POLQ: variants seen among roughly 807,000 people sequenced by gnomAD.
POLQ encodes DNA polymerase theta.
A neutral mutation model predicts 259.2 loss-of-function variants in POLQ; 233 were observed. The observed-to-expected ratio is 0.90, with a 90% CI of 0.81 to 1.00. The LOEUF (loss-of-function observed/expected upper bound fraction) is 1.00, where lower values mean the gene tolerates loss of function less well. POLQ is among the 50% of genes least tolerant of loss of function. POLQ has a pLI of 0.00. For synonymous variants in POLQ, 1,025 were observed against 1,048.8 expected, an observed-to-expected ratio of 0.98 and a Z score of 0.44; for missense variants, 2,871 against 3,051.6, an observed-to-expected ratio of 0.94 and a Z score of 1.39.
intron 9 of POLQ, among the ~76,000 whole-genome samples, chr3:121,519,445 G>C (rs1444945742): frequency 6.7e-6 from 1 of 148,188 alleles, no homozygotes; most frequent in Non-Finnish European, 1.5e-5. Context: ...GGAGGCCGAG[G>C]CAGGCGGATC....
chr3:121,526,370 G>C (rs901525656), intron 7 of POLQ, among the ~76,000 whole-genome samples: 1 of 152,148 alleles, frequency 6.6e-6, no homozygotes, highest in African/African-American at 2.4e-5. Flanking sequence ...AGTATTAGCT[G>C]TTTTATAGAC....
intron 5 of POLQ, among the ~76,000 whole-genome samples, chr3:121,534,487 C>A (rs990840662): frequency 3.9e-5 from 6 of 152,096 alleles, no homozygotes; most frequent in African/African-American, 9.7e-5. Flanking sequence ...CCACGCCCAG[C>A]CAAATTTTGT....
intron 26 of POLQ, among the ~76,000 whole-genome samples, chr3:121,445,369 T>G (rs1049358522): frequency 6.6e-6 from 1 of 152,190 alleles, no homozygotes; most frequent in Non-Finnish European, 1.5e-5. Flanking sequence ...AGGTTGTATG[T>G]GTCTAGAAAT....
At chr3:121,468,912 T>C (rs1452096247) in intron 22 of POLQ, among the ~76,000 whole-genome samples, 2 of 152,210 alleles carry the variant, frequency 1.3e-5, no homozygotes, top group African/African-American at 2.4e-5. Context: ...AAGTACTGAA[T>C]CAGGTGAGAC....
chr3:121,493,427 G>T, intron 15 of POLQ, 51 bp downstream of exon 15: 1 of 1,334,880 alleles, frequency 7.5e-7, no homozygotes, highest in South Asian at 1.4e-5. Flanking sequence ...TTTTAAAATT[G>T]ACATTTTTTT....
rs1042142595 is a variant in POLQ, at chr3:121,490,349, G to A, written c.2582C>T (p.Thr861Ile). The A allele has an allele frequency of 5.0e-6, 8 of 1,614,086 alleles. No homozygotes were observed. In the African/African-American group the frequency reaches 1.1e-4, roughly 22 times the overall value. Reference sequence around the variant, plus strand: ...ACCTTTTCTGCCAGTCACCCAGATAGTTCGCATATTGCGACGTTCTTCAAC... The same window carrying A: ...ACCTTTTCTGCCAGTCACCCAGATAATTCGCATATTGCGACGTTCTTCAAC... Reference protein sequence around the residue: ...EAVEERRNMRTIWVTGRKGLT... With the variant: ...EAVEERRNMRIIWVTGRKGLT... Residue 861 changes from threonine to isoleucine, a missense_variant, in exon 16 of 30, where the codon ACT becomes ATT. Thr to Ile is a moderately conservative substitution (Grantham distance 89, BLOSUM62 -1). Transcript: ENST00000264233.
chr3:121,476,480 ACACAC>A, intron 20 of POLQ, 55 bp downstream of exon 20: 1 of 1,264,192 alleles, frequency 7.9e-7, no homozygotes, highest in Non-Finnish European at 1.1e-6. Flanking sequence ...ACACACACAC[ACACAC>A]AATCATTTTA....
intron 18 of POLQ, 24 bp downstream of exon 18, chr3:121,483,362 T>A: frequency 2.9e-6 from 4 of 1,376,280 alleles, no homozygotes; most frequent in Non-Finnish European, 3.9e-6. Flanking sequence ...TTTAAGTATA[T>A]AAAAATTAAA....
intron 24 of POLQ, among the ~76,000 whole-genome samples, chr3:121,464,341 TG>T (rs1433279652): frequency 1.3e-5 from 2 of 152,076 alleles, no homozygotes; most frequent in Non-Finnish European, 2.9e-5. Flanking sequence ...CAGACCAGCC[TG>T]GGTAACATAG....
In POLQ at chr3:121,481,647, C is replaced by T; in HGVS notation, c.6136G>A (p.Ala2046Thr). Residue 2046 changes from alanine to threonine, a missense_variant, in exon 19 of 30, where the codon GCA becomes ACA. Physicochemically the swap from Ala to Thr is moderately conservative, Grantham distance 58. Around this residue, in one of 3 missense-constraint regions of POLQ, gnomAD observed 2,080 missense variants for 2,126.0 expected, o/e 0.98. Transcript: ENST00000264233. Reference protein sequence around the residue: ...AGSEHSGRYRASVESILIFNS... With the variant: ...AGSEHSGRYRTSVESILIFNS... ...AAGATGAGAATGGACTCCACAGATGCTCTGTATCGCCCAGAATGCTCACTG... is the reference window on the plus strand; with the variant it reads ...AAGATGAGAATGGACTCCACAGATGTTCTGTATCGCCCAGAATGCTCACTG... The T allele has an allele frequency of 1.2e-6, 2 of 1,613,878 alleles. No homozygotes were observed. Among genetic ancestry groups the T allele is most frequent in the Non-Finnish European group, 1.7e-6 (2 of 1,179,790 alleles).
At chr3:121,529,815 C>T (rs1367820455) in intron 6 of POLQ, 23 bp from the exon 7 acceptor site, 12 of 1,581,396 alleles carry the variant, frequency 7.6e-6, no homozygotes, top group Non-Finnish European at 3.4e-6. Flanking sequence ...GATAAATAAC[C>T]ACTTTAGTGG....
rs565914563 is a variant in POLQ, at chr3:121,544,856, C to T, written c.214G>A (p.Ala72Thr). The change falls in exon 2 of 30, where the codon GCA (alanine) becomes ACA (threonine). Residue 72 changes from alanine to threonine, a missense_variant. This residue lies in a region of POLQ where 783 missense variants were observed against 906.2 expected (regional missense o/e 0.86). Transcript: ENST00000264233. ...ACTGCTTTAGGAAGTCCCCAGTTTG[C>T]CAATAGTAGCTTGTCTCTTTCGTAG... ...PDYERDKLLL[A>T]NWGLPKAVLE... 303 of 1,611,048 alleles carry T rather than the reference C, an allele frequency of 1.9e-4. 4 individuals are homozygous for T. In the South Asian group the frequency reaches 3.1e-3, roughly 16 times the overall value.
At chr3:121,539,400 A>G in intron 4 of POLQ, 33 bp downstream of exon 4, 2 of 1,511,882 alleles carry the variant, frequency 1.3e-6, no homozygotes, top group Non-Finnish European at 1.8e-6. Context: ...AAATAGCAAT[A>G]GAAAGTATTT....
chr3:121,458,584 T>C (rs1160166716), intron 25 of POLQ, among the ~76,000 whole-genome samples: 3 of 152,264 alleles, frequency 2.0e-5, no homozygotes, highest in South Asian at 4.2e-4. Flanking sequence ...GAATTAAATA[T>C]GGGAATATTA....
Position 121,509,543 on chromosome 3 carries a change from T to C in POLQ, c.1959+18A>G. The C allele has an allele frequency of 6.3e-7, 1 of 1,594,876 alleles. No homozygotes were observed. The highest frequency in any genetic ancestry group is 8.5e-7 in the Non-Finnish European group (1 of 1,170,108). On this transcript the variant is annotated intron_variant, in intron 12 of 29. Transcript: ENST00000264233. ...TTCTCCCTATTTTCACAAACATAATTGTTAAAACAGAACTTACCAGATAGA... is the reference window on the plus strand; with the variant it reads ...TTCTCCCTATTTTCACAAACATAATCGTTAAAACAGAACTTACCAGATAGA...
intron 22 of POLQ, 35 bp from the exon 23 acceptor site, chr3:121,468,466 A>C: frequency 3.3e-6 from 5 of 1,503,506 alleles, no homozygotes; most frequent in Non-Finnish European, 4.6e-6. Context: ...TAAAATCAGG[A>C]AAAAAAATCT....
In POLQ at chr3:121,434,129, C is replaced by T. The variant is rs114313976; in HGVS notation, c.7544-1096G>A. On this transcript the variant is annotated intron_variant, in intron 28 of 29. Transcript: ENST00000264233. ...GCTTTTCTGCTTTCTGATGACCATG[C>T]CTTTGCCCTCTTGATTTCCCTTGGC... Among the ~76,000 whole-genome samples, 793 of 152,286 alleles carry T rather than the reference C, an allele frequency of 5.2e-3. 7 individuals carry two copies. Among genetic ancestry groups the T allele is most frequent in the African/African-American group, 0.016 (684 of 41,570 alleles).
intron 18 of POLQ, 136 bp from the exon 19 acceptor site, chr3:121,481,948 C>T (rs2047974825): frequency 1.3e-6 from 1 of 788,380 alleles, no homozygotes; most frequent in Admixed American, 2.8e-5. Context: ...AGTGGTCTTC[C>T]CAGGAAAGAA....
chr3:121,521,051 TTACA>T (rs1293191121), intron 8 of POLQ, among the ~76,000 whole-genome samples: 1 of 152,232 alleles, frequency 6.6e-6, no homozygotes, highest in Non-Finnish European at 1.5e-5. Context: ...GCATCATAAA[TTACA>T]TACAATGTAA....
Sources: allele counts gnomAD v4.1 joint callset (sites outside exome capture counted in the v4.1 genomes callset), GRCh38; gene constraint gnomAD v4.1.1; regional missense constraint gnomAD v4.1.1; transcripts MANE v1.5; gene names NCBI Gene and HGNC (gene_info 2026-07-23, HGNC 2026-07-21).